The following ZNF275 variants were observed in gnomAD, a reference collection of about 807,000 sequenced individuals.
The protein encoded by ZNF275 is zinc finger protein 275.
Under a neutral mutation model 4.3 loss-of-function variants are expected in ZNF275, and 4 were observed. The ratio of observed to expected loss-of-function variants is 0.93; its 90% CI spans 0.46 to 2.13. The LOEUF is 2.13. ZNF275 is among the 30% of genes most tolerant of loss of function. The probability of loss-of-function intolerance (pLI) is 0.02; values close to 1 mark genes in which losing one functional copy is unlikely to be tolerated. For missense variants in ZNF275, 352 were observed against 397.1 expected (o/e 0.89, Z 0.97); for synonymous variants, 173 against 166.9 (o/e 1.04, Z -0.28).
At chrX:153,340,165 G>A (rs782250547) in intron 2 of ZNF275, among the ~76,000 whole-genome samples, 2 of 112,414 alleles carry the variant, frequency 1.8e-5, no homozygotes, top group South Asian at 3.7e-4. Context: ...GAGAGGGTGT[G>A]GCTGCTGAGC....
chrX:153,346,039 TA>T (rs2088512823), intron 3 of ZNF275, among the ~76,000 whole-genome samples: 1 of 105,449 alleles, frequency 9.5e-6, no homozygotes, highest in African/African-American at 3.5e-5. Context: ...AGGTTGAGGT[TA>T]CGAGTAGAGG....
chrX:153,344,732 A>C, intron 2 of ZNF275: 1 of 368,930 alleles, frequency 2.7e-6, no homozygotes, highest in South Asian at 2.4e-5. Flanking sequence ...TTTAAGCTGG[A>C]CCCTGAACAG....
At chrX:153,345,201 T>C (rs782610832) in intron 2 of ZNF275, 305 of 209,827 alleles carry the variant, frequency 1.5e-3, no homozygotes, top group Non-Finnish European at 2.5e-3. Context: ...GAAGTCCACG[T>C]GTCTGGGAAG....
rs1024664124 is a variant in ZNF275, at chrX:153,334,838, G to C, written c.-47+553G>C. On this transcript the variant is annotated intron_variant, in intron 1 of 3. Coordinates refer to ENST00000650114, the MANE Select transcript of ZNF275 (RefSeq NM_001367757.1). ...GCCAGGTGGGAACAGTTCCCGCTGG[G>C]GAGTCCCTCCTTTCCTTTTGAGTGG... is the stretch of plus-strand genomic sequence containing the variant. 3.2e-3 allele frequency among the ~76,000 whole-genome samples: 328 copies of C among 102,194 alleles called. 2 individuals carry two copies. Among genetic ancestry groups the C allele is most frequent in the Non-Finnish European group, 5.9e-3 (292 of 49,605 alleles). 88.7% of individuals were successfully genotyped at this position (102,194 alleles called of 115,157 possible).
intron 2 of ZNF275, chrX:153,344,626 T>G (rs377568304): frequency 1.3e-5 from 5 of 373,771 alleles, no homozygotes; most frequent in African/African-American, 1.0e-4. Context: ...CCTGCCTCAT[T>G]CTAAAATAGA....
In ZNF275 at chrX:153,351,335, T is replaced by C; in HGVS notation, c.*3360T>C. 8.1e-6 allele frequency: 1 copy of C among 123,528 alleles called. No homozygotes were observed. The highest frequency in any genetic ancestry group is 1.9e-5 in the Non-Finnish European group (1 of 53,331). 10.2% of individuals were successfully genotyped at this position (123,528 alleles called of 1,213,427 possible). On this transcript the variant is annotated 3_prime_UTR_variant, in exon 4 of 4. Coordinates refer to ENST00000650114, the MANE Select transcript of ZNF275 (RefSeq NM_001367757.1). Reference sequence around the variant, plus strand: ...GGTGGATTTCCTTGGGCTCTCTAGGTGTACTGCTATGTCAGATGCAAAATG... The same window carrying C: ...GGTGGATTTCCTTGGGCTCTCTAGGCGTACTGCTATGTCAGATGCAAAATG...
intron 2 of ZNF275, chrX:153,343,392 G>A: frequency 2.8e-6 from 1 of 351,211 alleles, no homozygotes; most frequent in Non-Finnish European, 5.6e-6. Flanking sequence ...TGAAGTGGGA[G>A]GCCTGTGATG....
At chrX:153,345,361 G>A (rs2088506006) in intron 2 of ZNF275, 159 bp from the exon 3 acceptor site, 2 of 398,395 alleles carry the variant, frequency 5.0e-6, no homozygotes, top group East Asian at 4.5e-5. Flanking sequence ...GAAGGAGCCT[G>A]ACCTTGGGAA....
intron 2 of ZNF275, 54 bp from the exon 3 acceptor site, chrX:153,345,465 TA>T: frequency 1.0e-6 from 1 of 1,004,489 alleles, no homozygotes; most frequent in African/African-American, 1.9e-5. Flanking sequence ...GTTCCTCCAC[TA>T]TTCTCATGTC....
At position 153,347,429 on chromosome X, in the gene ZNF275, T is replaced by G. The variant is rs782180578; in HGVS notation, c.744T>G (p.Asp248Glu). The change falls in exon 4 of 4, where the codon GAT becomes GAG. Residue 248 changes from aspartate (D) to glutamate (E), a missense_variant. Physicochemically the swap from Asp to Glu is conservative, Grantham distance 45. Transcript: ENST00000650114. ...AGGCGTGCAGCAGGGATTTCCTGGA[T>G]CGCCAGGAGCTTCTCAAGCACCAGC... ...ACKACSRDFL[D>E]RQELLKHQRM... 4.1e-6 allele frequency: 5 copies of G among 1,210,662 alleles called. No individual in the cohort carries two copies. Among genetic ancestry groups the G allele is most frequent in the Admixed American group, 4.3e-5 (2 of 46,002 alleles).
rs782393388 is a variant in ZNF275, at chrX:153,351,854, C to T, written c.*3879C>T. The T allele has an allele frequency of 9.0e-6, 1 of 111,697 alleles. No individual in the cohort carries two copies. The highest frequency in any genetic ancestry group is 1.9e-5 in the Non-Finnish European group (1 of 53,235). 9.2% of individuals were successfully genotyped at this position (111,697 alleles called of 1,213,427 possible). A position where few individuals can be genotyped will look rare whatever the true frequency, so the allele number is the denominator to read the frequency against. Reference sequence around the variant, plus strand: ...GTCCTAGAACTGGCACAGCGCCTGCCCTACCTGCAGCCCTGGGTTGTGGCC... The same window carrying T: ...GTCCTAGAACTGGCACAGCGCCTGCTCTACCTGCAGCCCTGGGTTGTGGCC... On this transcript the variant is annotated 3_prime_UTR_variant, in exon 4 of 4. Transcript: ENST00000650114.
At chrX:153,337,295 C>T (rs1302980955) in intron 2 of ZNF275, among the ~76,000 whole-genome samples, 2 of 111,838 alleles carry the variant, frequency 1.8e-5, no homozygotes, top group African/African-American at 6.5e-5. Flanking sequence ...CAGTTGAACG[C>T]TGGTCTTTAG....
At chrX:153,334,559 C>T (rs2088431382) in intron 1 of ZNF275, among the ~76,000 whole-genome samples, 1 of 109,989 alleles carries the variant, frequency 9.1e-6, no homozygotes, top group South Asian at 3.9e-4. Context: ...ATGACGAGTA[C>T]GAAGAGGCCC....
chrX:153,340,469 A>C (rs977358902), intron 2 of ZNF275, among the ~76,000 whole-genome samples: 1 of 112,915 alleles, frequency 8.9e-6, no homozygotes, highest in Non-Finnish European at 1.9e-5. Flanking sequence ...TTACCCAAGC[A>C]GAAGGGCTGC....
At chrX:153,334,825 C>A (rs1249574931) in intron 1 of ZNF275, among the ~76,000 whole-genome samples, 2 of 83,114 alleles carry the variant, frequency 2.4e-5, no homozygotes, top group Non-Finnish European at 4.5e-5. Flanking sequence ...CAGGTGGGAA[C>A]AGTTCCCGCT....
chrX:153,342,755 C>G (rs1487297473), intron 2 of ZNF275, among the ~76,000 whole-genome samples: 3 of 112,489 alleles, frequency 2.7e-5, no homozygotes, highest in Admixed American at 1.9e-4. Flanking sequence ...CCTGGTCACC[C>G]TTTTCCTGGG....
Position 153,346,836 on chromosome X carries a change from C to T in ZNF275, c.151C>T (p.Arg51Ter), listed in dbSNP as rs782554889. The T allele has an allele frequency of 7.5e-6, 9 of 1,197,098 alleles. No homozygotes were observed. Among genetic ancestry groups the T allele is most frequent in the East Asian group, 5.9e-5 (2 of 33,614 alleles). ...CGTTTCAGAAAGCACCTCCGCGACC[C>T]GACACCAGATGAAGGGGGAAGATGC... Reference protein sequence around the residue: ...AKYSESTSATRHQMKGEDAQP... With the variant: ...AKYSESTSAT Residue 51 changes from arginine (R) to a stop codon, truncating the protein, a stop_gained, in exon 4 of 4, where the codon CGA (arginine) becomes TGA (stop). Transcript: ENST00000650114. LOFTEE classifies it low-confidence loss of function (END_TRUNC).
chrX:153,341,187 T>C (rs2088478296), intron 2 of ZNF275, among the ~76,000 whole-genome samples: 1 of 112,829 alleles, frequency 8.9e-6, no homozygotes. Context: ...TCGAAGTGTT[T>C]AGTCCATTTA....
intron 1 of ZNF275, among the ~76,000 whole-genome samples, chrX:153,335,002 T>G (rs1602819201): frequency 9.0e-6 from 1 of 111,077 alleles, no homozygotes; most frequent in Admixed American, 9.4e-5. Flanking sequence ...TGAACCAGTC[T>G]TTTTCTGTCG....
Sources: allele counts gnomAD v4.1 joint callset (sites outside exome capture counted in the v4.1 genomes callset), GRCh38; gene constraint gnomAD v4.1.1; transcripts MANE v1.5; gene names NCBI Gene and HGNC (gene_info 2026-07-23, HGNC 2026-07-21).